Variants in ITSN2 observed in about 807,000 individuals in gnomAD.
ITSN2 encodes intersectin-2.
In ITSN2, 156 loss-of-function variants were observed where a neutral mutation model predicts 243.7. The ratio of observed to expected loss-of-function variants is 0.64; its 90% CI spans 0.56 to 0.73. ITSN2 has a LOEUF of 0.73. Ranked by LOEUF, ITSN2 falls within the 30% of genes least tolerant of loss-of-function variation. ITSN2 has a pLI of 0.00. For missense variants in ITSN2, 1,801 were observed against 1,996.1 expected (o/e 0.90, Z 1.86); for synonymous variants, 703 against 699.9 (o/e 1.00, Z -0.07).
At position 24,284,822 on chromosome 2, in the gene ITSN2, C is replaced by T; in HGVS notation, c.1885G>A (p.Val629Ile). 6.3e-7 allele frequency: 1 copy of T among 1,599,028 alleles called. No homozygotes were observed. Among genetic ancestry groups the T allele is most frequent in the African/African-American group, 1.4e-5 (1 of 74,070 alleles). ...AGCAGAGACAAAAGGCACTGAAGAA[C>T]AGAGTCATCCATATTCCCACACTGT... ...QLKCGNMDDSVLQCLLSLLSC... is the reference protein window; with the variant it reads ...QLKCGNMDDSILQCLLSLLSC... The change falls in exon 17 of 40, where the codon GTT (valine) becomes ATT (isoleucine). Residue 629 changes from valine (V) to isoleucine (I), a missense_variant. Val to Ile is a conservative substitution (Grantham distance 29, BLOSUM62 3). This residue lies in a region of ITSN2 where 787 missense variants were observed against 803.9 expected (regional missense o/e 0.98). Coordinates refer to ENST00000355123, the MANE Select transcript of ITSN2 (RefSeq NM_006277.3).
In ITSN2 at chr2:24,208,217, C is replaced by T. The variant is rs1669107170; in HGVS notation, c.4678+20G>A. 2 of 1,607,712 alleles carry T rather than the reference C, an allele frequency of 1.2e-6. No homozygotes were observed. Among genetic ancestry groups the T allele is most frequent in the South Asian group, 1.1e-5 (1 of 91,030 alleles). On this transcript the variant is annotated intron_variant, in intron 37 of 39. Transcript: ENST00000355123. ...TAGGGCCCCTGGGGGCTGCGTCCCA[C>T]CCTCCGGGCACCCTGATACCTTGGT...
intron 34 of ITSN2, 104 bp from the exon 35 acceptor site, chr2:24,210,137 T>C: frequency 1.3e-6 from 1 of 752,410 alleles, no homozygotes; most frequent in Non-Finnish European, 2.2e-6. Context: ...TGGAGTTTTC[T>C]AGGTGGGAAT....
chr2:24,337,335 T>TATATATATATATATATATATACAC (rs1558650606), intron 1 of ITSN2, among the ~76,000 whole-genome samples: 1 of 108,966 alleles, frequency 9.2e-6, no homozygotes, highest in Non-Finnish European at 1.9e-5. Flanking sequence ...TATATATATA[T>TATATATATATATATATATATACAC]ATATATATAT....
chr2:24,298,632 T>C (rs1424332574), intron 13 of ITSN2, 33 bp downstream of exon 13: 1 of 1,582,088 alleles, frequency 6.3e-7, no homozygotes. Flanking sequence ...TCCATCATCA[T>C]TCAGATAAAT....
chr2:24,288,247 T>C (rs902965071), intron 15 of ITSN2, among the ~76,000 whole-genome samples: 1 of 152,118 alleles, frequency 6.6e-6, no homozygotes, highest in Non-Finnish European at 1.5e-5. Flanking sequence ...TATCCAGTTT[T>C]CCCAATACCA....
At chr2:24,210,707 G>C (rs1429846829) in intron 34 of ITSN2, 73 bp downstream of exon 34, 1 of 1,452,110 alleles carries the variant, frequency 6.9e-7, no homozygotes, top group East Asian at 2.3e-5. Context: ...CTGTCCACGT[G>C]AGGGAAGGCT....
intron 1 of ITSN2, among the ~76,000 whole-genome samples, chr2:24,344,378 T>G (rs188178593): frequency 1.3e-5 from 2 of 152,336 alleles, no homozygotes; most frequent in Admixed American, 1.3e-4. Context: ...CCATTTTATA[T>G]TCCCATTGGT....
chr2:24,337,343 T>TATATATATACATATAC (rs1686551948), intron 1 of ITSN2, among the ~76,000 whole-genome samples: 1 of 119,514 alleles, frequency 8.4e-6, no homozygotes, highest in Non-Finnish European at 1.7e-5. Context: ...TATATATATA[T>TATATATATACATATAC]ATATATATAT....
At chr2:24,314,422 C>T (rs745574334) in intron 3 of ITSN2, among the ~76,000 whole-genome samples, 37 of 152,256 alleles carry the variant, frequency 2.4e-4, no homozygotes, top group Non-Finnish European at 4.7e-4. Context: ...TAACACTAAC[C>T]ATCTTTGTAA....
chr2:24,305,726 A>C (rs1163979983), intron 8 of ITSN2, among the ~76,000 whole-genome samples: 2 of 152,114 alleles, frequency 1.3e-5, no homozygotes. Flanking sequence ...TTTTATAGAA[A>C]ACCTTGTCTT....
intron 18 of ITSN2, among the ~76,000 whole-genome samples, chr2:24,275,443 TA>T (rs80108078): frequency 0.33 from 50,639 of 152,058 alleles, 8,891 homozygotes; most frequent in African/African-American, 0.42. Context: ...TTCAGAAAGA[TA>T]AAAATAACTT....
At position 24,286,354 on chromosome 2, in the gene ITSN2, G is replaced by A; in HGVS notation, c.1724-3C>T. On this transcript the variant is annotated splice_region_variant and splice_polypyrimidine_tract_variant and intron_variant, in intron 15 of 39. Coordinates refer to ENST00000355123, the MANE Select transcript of ITSN2 (RefSeq NM_006277.3). ...ATGAAGTAAACTGACCCCTGAATCT[G>A]AAAAACAAACATCAGACAGTTTACA... 1 of 1,609,218 alleles carries A rather than the reference G, an allele frequency of 6.2e-7. No individual in the cohort carries two copies. Among genetic ancestry groups the A allele is most frequent in the Non-Finnish European group, 8.5e-7 (1 of 1,177,554 alleles).
intron 1 of ITSN2, among the ~76,000 whole-genome samples, chr2:24,356,519 C>T (rs1005159589): frequency 6.6e-6 from 1 of 150,464 alleles, no homozygotes; most frequent in African/African-American, 2.4e-5. Context: ...AAAAAGTGGG[C>T]AAAGGATATG....
intron 7 of ITSN2, 122 bp from the exon 8 acceptor site, chr2:24,308,878 C>A (rs1209002315): frequency 1.5e-6 from 1 of 662,022 alleles, no homozygotes. Context: ...GGCCACCGAC[C>A]TGTTAGGAAC....
chr2:24,296,233 T>C (rs1373074797), intron 13 of ITSN2, among the ~76,000 whole-genome samples: 2 of 152,218 alleles, frequency 1.3e-5, no homozygotes, highest in African/African-American at 4.8e-5. Context: ...ATTAAAACAG[T>C]GCCCAGGAGG....
chr2:24,223,036 G>T (rs1311118649), intron 29 of ITSN2, among the ~76,000 whole-genome samples: 1 of 152,058 alleles, frequency 6.6e-6, no homozygotes, highest in Non-Finnish European at 1.5e-5. Flanking sequence ...CGTTATTTAG[G>T]TTGACAGCAT....
chr2:24,261,008 G>A, intron 22 of ITSN2, 98 bp downstream of exon 22: 1 of 1,057,602 alleles, frequency 9.5e-7, no homozygotes, highest in Non-Finnish European at 1.4e-6. Context: ...ACAAACTCTG[G>A]TTAAATGAGT....
chr2:24,306,985 T>C (rs1205039958), intron 8 of ITSN2, among the ~76,000 whole-genome samples: 1 of 152,086 alleles, frequency 6.6e-6, no homozygotes. Context: ...TTTGTATTTT[T>C]AGTAGAGACG....
At chr2:24,302,441 G>T (rs1031937876) in intron 9 of ITSN2, among the ~76,000 whole-genome samples, 1 of 151,934 alleles carries the variant, frequency 6.6e-6, no homozygotes, top group East Asian at 1.9e-4. Flanking sequence ...CTCGTGATCC[G>T]CCCGCCTCAG....
Sources: gnomAD v4.1 joint callset for allele counts (sites outside exome capture counted in the v4.1 genomes callset) on GRCh38, gnomAD v4.1.1 for gene constraint, gnomAD v4.1.1 regional missense constraint, MANE v1.5 for transcripts, NCBI Gene and HGNC (gene_info 2026-07-23, HGNC 2026-07-21) for gene names.